The following TAFA5 variants were observed in gnomAD, a reference collection of about 807,000 sequenced individuals.
TAFA5 encodes chemokine-like protein TAFA-5.
TAFA5 carries 6 observed loss-of-function variants against 15.3 expected under a neutral mutation model. The ratio of observed to expected loss-of-function variants is 0.39; its 90% CI spans 0.21 to 0.77. The LOEUF (loss-of-function observed/expected upper bound fraction) is 0.77. Among genes scored for constraint, TAFA5 ranks in the 30% least tolerant of loss-of-function variants. The pLI is 0.41. For synonymous variants in TAFA5, 103 were observed against 80.7 expected (o/e 1.28, Z -1.48); for missense variants, 161 against 193.1 (o/e 0.83, Z 0.98).
At chr22:48,652,106 G>A (rs944312656) in intron 2 of TAFA5, among the ~76,000 whole-genome samples, 8 of 152,248 alleles carry the variant, frequency 5.3e-5, no homozygotes, top group Non-Finnish European at 8.8e-5. Context: ...TGGGCACAGC[G>A]CGTCATCTCC....
chr22:48,583,148 C>G (rs891108801), intron 1 of TAFA5, among the ~76,000 whole-genome samples: 4 of 141,808 alleles, frequency 2.8e-5, no homozygotes, highest in Non-Finnish European at 4.6e-5. Context: ...CACCACACAC[C>G]ACACACAAAA....
chr22:48,637,834 C>T (rs546260857), intron 1 of TAFA5, among the ~76,000 whole-genome samples: 9 of 152,142 alleles, frequency 5.9e-5, no homozygotes, highest in Non-Finnish European at 1.0e-4. Context: ...TTCCCACACC[C>T]GCAGAAACTC....
At chr22:48,506,884 A>C (rs1368049163) in intron 1 of TAFA5, among the ~76,000 whole-genome samples, 3 of 152,238 alleles carry the variant, frequency 2.0e-5, no homozygotes, top group Non-Finnish European at 4.4e-5. Flanking sequence ...GGAGGGCTGG[A>C]CACGTCAGCA....
intron 2 of TAFA5, among the ~76,000 whole-genome samples, chr22:48,707,462 T>C (rs1049613166): frequency 7.2e-5 from 11 of 152,116 alleles, no homozygotes; most frequent in Non-Finnish European, 1.2e-4. Context: ...TGTCTCTAGC[T>C]CCCTCGATCA....
intron 1 of TAFA5, among the ~76,000 whole-genome samples, chr22:48,532,975 G>A (rs150173427): frequency 1.2e-4 from 19 of 152,324 alleles, no homozygotes; most frequent in African/African-American, 3.6e-4. Context: ...ACCGCCTGTG[G>A]GTGGTAGAGC....
At chr22:48,652,511 C>T (rs1927090097) in intron 2 of TAFA5, among the ~76,000 whole-genome samples, 1 of 152,220 alleles carries the variant, frequency 6.6e-6, no homozygotes, top group Non-Finnish European at 1.5e-5. Context: ...CATGGGCAGC[C>T]CTTCCTGCGT....
chr22:48,620,597 CCCTA>C (rs1925766526), intron 1 of TAFA5, among the ~76,000 whole-genome samples: 3 of 142,784 alleles, frequency 2.1e-5, no homozygotes, highest in African/African-American at 5.2e-5. Context: ...CCACCCACCC[CCCTA>C]CCCATCCTAT....
At chr22:48,647,800 C>T (rs1378365817) in intron 2 of TAFA5, among the ~76,000 whole-genome samples, 8 of 152,086 alleles carry the variant, frequency 5.3e-5, no homozygotes, top group Non-Finnish European at 5.9e-5. Context: ...TGGTTCTAGG[C>T]GCAGCAGCTT....
intron 1 of TAFA5, chr22:48,576,653 C>T: frequency 1.6e-6 from 2 of 1,242,648 alleles, no homozygotes; most frequent in Non-Finnish European, 2.0e-6. Context: ...CGGCTTCCAG[C>T]ACGTTCCGCT....
chr22:48,549,362 T>G (rs1922784440), intron 1 of TAFA5, among the ~76,000 whole-genome samples: 1 of 152,218 alleles, frequency 6.6e-6, no homozygotes, highest in Admixed American at 6.5e-5. Flanking sequence ...TGGAATCCAT[T>G]CGCCACCAGG....
chr22:48,749,368 G>A (rs1382591676), intron 3 of TAFA5, among the ~76,000 whole-genome samples: 3 of 152,228 alleles, frequency 2.0e-5, no homozygotes, highest in Admixed American at 6.5e-5. Context: ...GGCCAGGGGA[G>A]GGTGGCTCCG....
At chr22:48,740,594 C>T (rs929584146) in intron 3 of TAFA5, among the ~76,000 whole-genome samples, 1 of 152,134 alleles carries the variant, frequency 6.6e-6, no homozygotes, top group Admixed American at 6.5e-5. Flanking sequence ...GCTTCAGAAC[C>T]GTCTCAGCGA....
chr22:48,719,984 C>T (rs1162860770), intron 3 of TAFA5, among the ~76,000 whole-genome samples: 1 of 152,158 alleles, frequency 6.6e-6, no homozygotes. Flanking sequence ...TAATGGGAGA[C>T]GTGACACGCT....
chr22:48,744,802 C>T (rs1930280353), intron 3 of TAFA5, among the ~76,000 whole-genome samples: 1 of 152,102 alleles, frequency 6.6e-6, no homozygotes, highest in African/African-American at 2.4e-5. Flanking sequence ...TCTTGTTGCC[C>T]AGGCTGGAGT....
At chr22:48,607,499 C>T (rs1200654968) in intron 1 of TAFA5, among the ~76,000 whole-genome samples, 1 of 138,138 alleles carries the variant, frequency 7.2e-6, no homozygotes, top group Non-Finnish European at 1.6e-5. Flanking sequence ...TTAGGGCTGG[C>T]CCACCCATCC....
intron 1 of TAFA5, among the ~76,000 whole-genome samples, chr22:48,633,133 G>A (rs1683400345): frequency 6.6e-6 from 1 of 152,156 alleles, no homozygotes. Flanking sequence ...GAAGAGCCAG[G>A]CCGCCCCCAC....
chr22:48,578,117 T>C (rs1193244171), intron 1 of TAFA5, among the ~76,000 whole-genome samples: 1 of 152,212 alleles, frequency 6.6e-6, no homozygotes, highest in Non-Finnish European at 1.5e-5. Flanking sequence ...GTTCTCTGCC[T>C]CTCTGGCTGA....
intron 1 of TAFA5, among the ~76,000 whole-genome samples, chr22:48,502,170 C>T (rs1461623697): frequency 6.6e-6 from 1 of 152,108 alleles, no homozygotes; most frequent in African/African-American, 2.4e-5. Context: ...TTTTAAAAAT[C>T]CATTGGATAA....
intron 1 of TAFA5, among the ~76,000 whole-genome samples, chr22:48,535,138 C>T (rs9627369): frequency 0.029 from 4,423 of 152,236 alleles, 198 homozygotes; most frequent in African/African-American, 0.099. Context: ...TACCTGGGAA[C>T]GTTCTGCTGT....
Sources: allele counts gnomAD v4.1 joint callset (sites outside exome capture counted in the v4.1 genomes callset), GRCh38; gene constraint gnomAD v4.1.1; transcripts MANE v1.5; gene names NCBI Gene and HGNC (gene_info 2026-07-23, HGNC 2026-07-21).